Variants in ZER1 observed in about 807,000 individuals in gnomAD.
ZER1 encodes protein zer-1 homolog.
In ZER1, 11 loss-of-function variants were observed where a neutral mutation model predicts 78.8. The observed-to-expected ratio is 0.14, with a 90% CI of 0.09 to 0.23. The LOEUF is 0.23. Ranked by LOEUF, ZER1 falls within the 10% of genes least tolerant of loss-of-function variation. The pLI, the probability that ZER1 is intolerant of heterozygous loss-of-function variation, is 1.00. For missense variants in ZER1, 588 were observed against 996.9 expected (o/e 0.59, Z 5.52); for synonymous variants, 400 against 407.0 (o/e 0.98, Z 0.21).
chr9:128,750,552 C>A, intron 8 of ZER1, 64 bp downstream of exon 8: 1 of 1,577,972 alleles, frequency 6.3e-7, no homozygotes, highest in South Asian at 1.1e-5. Context: ...CCTAGCGGGA[C>A]GCAAGAAGCA....
chr9:128,746,884 C>A (rs987254261), intron 8 of ZER1, among the ~76,000 whole-genome samples: 1 of 152,020 alleles, frequency 6.6e-6, no homozygotes, highest in Admixed American at 6.6e-5. Flanking sequence ...GATCCACCCA[C>A]CTTGGCCTCC....
At chr9:128,734,970 A>G (rs1235630587) in intron 14 of ZER1, among the ~76,000 whole-genome samples, 1 of 151,984 alleles carries the variant, frequency 6.6e-6, no homozygotes, top group Non-Finnish European at 1.5e-5. Context: ...AGGTCATTGC[A>G]GCTGGAAACT....
At position 128,752,660 on chromosome 9, in the gene ZER1, G is replaced by T; in HGVS notation, c.923+13C>A. On this transcript the variant is annotated intron_variant, in intron 5 of 15. Coordinates refer to ENST00000291900, the MANE Select transcript of ZER1 (RefSeq NM_006336.4). Reference sequence around the variant, plus strand: ...TGACACCCTACCAGTAGCCATGGAGGCTGGGGCCCCACCTGGTCTGCCCCG... The same window carrying T: ...TGACACCCTACCAGTAGCCATGGAGTCTGGGGCCCCACCTGGTCTGCCCCG... The T allele has an allele frequency of 6.2e-7, 1 of 1,605,806 alleles. No individual in the cohort carries two copies. Among genetic ancestry groups the T allele is most frequent in the Non-Finnish European group, 8.5e-7 (1 of 1,176,122 alleles).
intron 8 of ZER1, among the ~76,000 whole-genome samples, chr9:128,742,954 A>G (rs892225321): frequency 2.6e-5 from 4 of 152,190 alleles, no homozygotes; most frequent in Non-Finnish European, 4.4e-5. Flanking sequence ...ACAAATGTAT[A>G]GTTTTATAAA....
chr9:128,765,067 C>A (rs1864163291), intron 1 of ZER1, among the ~76,000 whole-genome samples: 2 of 152,190 alleles, frequency 1.3e-5, no homozygotes, highest in Non-Finnish European at 2.9e-5. Context: ...TCTTACTCAA[C>A]CGACAAAATA....
intron 1 of ZER1, among the ~76,000 whole-genome samples, chr9:128,764,993 A>G (rs1864161449): frequency 1.3e-5 from 2 of 152,144 alleles, no homozygotes; most frequent in Non-Finnish European, 1.5e-5. Context: ...CCGCCATACC[A>G]CGTCCATGTT....
chr9:128,748,329 G>A (rs1463151707), intron 8 of ZER1, among the ~76,000 whole-genome samples: 2 of 151,082 alleles, frequency 1.3e-5, no homozygotes, highest in African/African-American at 4.9e-5. Context: ...GTGAACCTGG[G>A]AGGTGGAGCT....
chr9:128,740,079 A>G lies in ZER1; in HGVS notation c.1894T>C (p.Tyr632His). 1 of 1,613,422 alleles carries G rather than the reference A, an allele frequency of 6.2e-7. No individual in the cohort carries two copies. Among genetic ancestry groups the G allele is most frequent in the Non-Finnish European group, 8.5e-7 (1 of 1,179,410 alleles). ...TGGGAGAGGACGCCGCAGGCATTGT[A>G]GGAAACCTCGATCCCATCGGCCTTG... ...ESKADGIEVS[Y>H]NACGVLSHIM... The change falls in exon 13 of 16, where the codon TAC becomes CAC. Residue 632 changes from tyrosine (Y) to histidine (H), a missense_variant. By Grantham distance (83) the Tyr-to-His change is moderately conservative. Coordinates refer to ENST00000291900, the MANE Select transcript of ZER1 (RefSeq NM_006336.4). This position sits in a 1 kb window ranked among gnomAD's most constrained non-coding sequence, Gnocchi z 4.4.
chr9:128,751,150 C>T lies in ZER1; in HGVS notation c.1157G>A (p.Arg386His), dbSNP rs200422039. 3.6e-5 allele frequency: 58 copies of T among 1,600,028 alleles called. 1 individual carries two copies. The South Asian group carries it at 4.2e-4, about 12-fold the overall frequency. The change falls in exon 7 of 16, where the codon CGT becomes CAT. Residue 386 changes from arginine to histidine, a missense_variant. Coordinates refer to ENST00000291900, the MANE Select transcript of ZER1 (RefSeq NM_006336.4). The surrounding 1 kb of genome is among the most constrained non-coding windows in gnomAD (Gnocchi z 5.4). The part of the protein sequence containing the change: ...NLLFDIARIE[R>H]CNQLLRALKL... ...CAGGGCCCGCAGCAGCTGGTTGCAA[C>T]GCTCGATGCGGGCGATGTCAAAAAG...
intron 8 of ZER1, among the ~76,000 whole-genome samples, chr9:128,746,588 G>A (rs1203272342): frequency 2.0e-5 from 3 of 150,266 alleles, no homozygotes; most frequent in South Asian, 2.1e-4. Flanking sequence ...CTCGGCCTCC[G>A]AGTAGCTGGG....
At position 128,732,380 on chromosome 9, in the gene ZER1, A is replaced by AT. The variant is rs1862859935; in HGVS notation, c.2244-987dup. ...CCCCGTCCATTTATTTTTAAATTTT[A>AT]TTTTTTTGAGACAGAGTCTCGCTCT... On this transcript the variant is annotated intron_variant, in intron 15 of 15. Coordinates refer to ENST00000291900, the MANE Select transcript of ZER1 (RefSeq NM_006336.4). This position sits in a 1 kb window ranked among gnomAD's most constrained non-coding sequence, Gnocchi z 4.8. Among the ~76,000 whole-genome samples, 1 of 151,990 alleles carries AT rather than the reference A, an allele frequency of 6.6e-6. No homozygotes were observed. The highest frequency in any genetic ancestry group is 2.4e-5 in the African/African-American group (1 of 41,392).
rs943728009 is a variant in ZER1, at chr9:128,750,808, G to A, written c.1186-19C>T. On this transcript the variant is annotated intron_variant, in intron 7 of 15. Transcript: ENST00000291900. ...TGACCAGCTGTATGAAGACAAGGGGGACCTGGGCTGGCAAGTGCAGGGAGA... is the reference window on the plus strand; with the variant it reads ...TGACCAGCTGTATGAAGACAAGGGGAACCTGGGCTGGCAAGTGCAGGGAGA... The A allele has an allele frequency of 1.2e-6, 2 of 1,613,770 alleles. No individual in the cohort carries two copies. Among genetic ancestry groups the A allele is most frequent in the South Asian group, 1.1e-5 (1 of 90,986 alleles).
rs1157754005 is a variant in ZER1 at position 128,730,794 on chromosome 9, A to G, written c.*543T>C. ...CAGATGGCCCACAGCCGGGAGCACC[A>G]AGGCTTTTGGGAGACCCAGTGGGGT... On this transcript the variant is annotated 3_prime_UTR_variant, in exon 16 of 16. Transcript: ENST00000291900. 1 of 152,766 alleles carries G rather than the reference A, an allele frequency of 6.5e-6. No homozygotes were observed. Among genetic ancestry groups the G allele is most frequent in the Non-Finnish European group, 1.5e-5 (1 of 68,148 alleles). 9.5% of individuals were successfully genotyped at this position (152,766 alleles called of 1,614,324 possible).
At chr9:128,752,985 A>G in intron 4 of ZER1, 136 bp from the exon 5 acceptor site, 1 of 1,299,922 alleles carries the variant, frequency 7.7e-7, no homozygotes, top group East Asian at 2.4e-5. Flanking sequence ...CTGGGAAGAA[A>G]CCCCAAACAG....
chr9:128,731,310 C>T lies in ZER1; in HGVS notation c.*27G>A, dbSNP rs966108148. 32 of 1,608,056 alleles carry T rather than the reference C, an allele frequency of 2.0e-5. 1 individual carries two copies. In the Admixed American group the frequency reaches 3.3e-4, roughly 17 times the overall value. On this transcript the variant is annotated 3_prime_UTR_variant, in exon 16 of 16. Transcript: ENST00000291900. The stretch of plus-strand genomic sequence containing the variant: ...CTTCCTCCCCGCCTGTGGTCCAGAG[C>T]GGTGGCGGCCATGGGGACGGAGGCC...
At chr9:128,770,692 C>T (rs557669992) in intron 1 of ZER1, among the ~76,000 whole-genome samples, 4 of 152,124 alleles carry the variant, frequency 2.6e-5, no homozygotes, top group Non-Finnish European at 5.9e-5. Flanking sequence ...ACCAAAGTAG[C>T]GAGGCCCTTC....
At chr9:128,764,217 G>C (rs1864137002) in intron 1 of ZER1, among the ~76,000 whole-genome samples, 1 of 152,154 alleles carries the variant, frequency 6.6e-6, no homozygotes, top group Non-Finnish European at 1.5e-5. Flanking sequence ...ACAAGGTGAG[G>C]TTTCAACAAA....
intron 1 of ZER1, among the ~76,000 whole-genome samples, chr9:128,762,769 C>CT (rs1223733403): frequency 2.0e-5 from 3 of 152,208 alleles, no homozygotes; most frequent in Non-Finnish European, 4.4e-5. Flanking sequence ...CCACTGGCAG[C>CT]ATGGCACCCT....
chr9:128,729,957 C>A lies in ZER1; in HGVS notation c.*1380G>T. 6.5e-6 allele frequency: 1 copy of A among 152,786 alleles called. No homozygotes were observed. Among genetic ancestry groups the A allele is most frequent in the Non-Finnish European group, 1.5e-5 (1 of 68,290 alleles). 9.5% of individuals were successfully genotyped at this position (152,786 alleles called of 1,614,324 possible). A position where few individuals can be genotyped will look rare whatever the true frequency, so the allele number is the denominator to read the frequency against. ...CAGCCCATCTGCCAAGCTGGGGGAACACAGGGCTGCGCCCACTTCCCAGGG... is the reference window on the plus strand; with the variant it reads ...CAGCCCATCTGCCAAGCTGGGGGAAAACAGGGCTGCGCCCACTTCCCAGGG... On this transcript the variant is annotated 3_prime_UTR_variant, in exon 16 of 16. Transcript: ENST00000291900.
Sources: allele counts gnomAD v4.1 joint callset (sites outside exome capture counted in the v4.1 genomes callset), GRCh38; gene constraint gnomAD v4.1.1; non-coding constraint Gnocchi (gnomAD v3.1); transcripts MANE v1.5; gene names NCBI Gene and HGNC (gene_info 2026-07-23, HGNC 2026-07-21).